The following RBMS2 variants were observed in gnomAD, a reference collection of about 807,000 sequenced individuals.
RBMS2 encodes RNA binding motif single stranded interacting protein 2.
RBMS2 carries 38 observed loss-of-function variants against 58.4 expected under a neutral mutation model. That is an observed-to-expected ratio of 0.65 (90% CI 0.50 to 0.85). The LOEUF is 0.85. RBMS2 is among the 40% of genes least tolerant of loss of function. The pLI is 0.00. For synonymous variants in RBMS2, 151 were observed against 180.7 expected (o/e 0.84, Z 1.32); for missense variants, 367 against 503.7 (o/e 0.73, Z 2.60).
intron 5 of RBMS2, chr12:56,572,836 T>C (rs940053814): frequency 2.6e-5 from 26 of 984,570 alleles, no homozygotes; most frequent in African/African-American, 5.2e-5. Context: ...ACCTGTGATA[T>C]CAGAGCTTGT....
At chr12:56,546,414 A>AAAATATAATGTATAATATATTGTACATT (rs1877246515) in intron 1 of RBMS2, among the ~76,000 whole-genome samples, 4 of 144,462 alleles carry the variant, frequency 2.8e-5, no homozygotes, top group Non-Finnish European at 6.2e-5. Flanking sequence ...TGTACATTAT[A>AAAATATAATGTATAATATATTGTACATT]ATGTAAAATA....
intron 1 of RBMS2, among the ~76,000 whole-genome samples, chr12:56,542,851 C>T (rs1876394519): frequency 6.6e-6 from 1 of 151,174 alleles, no homozygotes; most frequent in African/African-American, 2.4e-5. Context: ...TACCTGGCCT[C>T]TTTATTTATT....
At chr12:56,562,036 C>T (rs1429503871) in intron 1 of RBMS2, among the ~76,000 whole-genome samples, 1 of 151,986 alleles carries the variant, frequency 6.6e-6, no homozygotes, top group East Asian at 1.9e-4. Flanking sequence ...TCTCGATCTC[C>T]TGACCTCATG....
At position 56,595,327 on chromosome 12, in the gene RBMS2, T is replaced by C. The variant is rs778823933; in HGVS notation, c.*6194T>C. ...TAATACATATCCAGCGCGAGTGAAG[T>C]CCCCACTCCAACATATACCCTTTTT... On this transcript the variant is annotated 3_prime_UTR_variant, in exon 14 of 14. Transcript: ENST00000262031. 6.6e-6 allele frequency: 1 copy of C among 152,066 alleles called. No homozygotes were observed. The highest frequency in any genetic ancestry group is 1.5e-5 in the Non-Finnish European group (1 of 68,012). 9.4% of individuals were successfully genotyped at this position (152,066 alleles called of 1,614,324 possible). A position where few individuals can be genotyped will look rare whatever the true frequency, so the allele number is the denominator to read the frequency against.
At chr12:56,527,775 T>C (rs1422517037) in intron 1 of RBMS2, 1 of 113,900 alleles carries the variant, frequency 8.8e-6, no homozygotes, top group Admixed American at 1.2e-4. Context: ...GCCCCCTTGA[T>C]ACTGTTACAT....
Position 56,589,196 on chromosome 12 carries a change from C to G in RBMS2, c.*63C>G. Reference sequence around the variant, plus strand: ...TGAATTCTTGGAGATACTCATGCTCCCAGATTCCAGAGGGTTAACCAGGAA... The same window carrying G: ...TGAATTCTTGGAGATACTCATGCTCGCAGATTCCAGAGGGTTAACCAGGAA... On this transcript the variant is annotated 3_prime_UTR_variant, in exon 14 of 14. Coordinates refer to ENST00000262031, the MANE Select transcript of RBMS2 (RefSeq NM_002898.4). The G allele has an allele frequency of 2.0e-6, 3 of 1,521,118 alleles. No individual in the cohort carries two copies. Among genetic ancestry groups the G allele is most frequent in the Non-Finnish European group, 2.7e-6 (3 of 1,131,448 alleles). 94.2% of individuals were successfully genotyped at this position (1,521,118 alleles called of 1,614,324 possible).
chr12:56,589,171 T>C lies in RBMS2; in HGVS notation c.*38T>C. On this transcript the variant is annotated 3_prime_UTR_variant, in exon 14 of 14. Coordinates refer to ENST00000262031, the MANE Select transcript of RBMS2 (RefSeq NM_002898.4). ...CCTCCCCATCTTTACTGAATAGAAA[T>C]GAATTCTTGGAGATACTCATGCTCC... 6.5e-7 allele frequency: 1 copy of C among 1,539,990 alleles called. No homozygotes were observed. The highest frequency in any genetic ancestry group is 1.4e-5 in the African/African-American group (1 of 72,922).
At chr12:56,586,184 T>A (rs1272323854) in intron 9 of RBMS2, among the ~76,000 whole-genome samples, 8 of 151,926 alleles carry the variant, frequency 5.3e-5, no homozygotes, top group Admixed American at 2.0e-4. Context: ...AAAGCAAAAT[T>A]AGCCGGGCAT....
At chr12:56,564,779 G>C (rs1434371095) in intron 2 of RBMS2, among the ~76,000 whole-genome samples, 25 of 152,158 alleles carry the variant, frequency 1.6e-4, no homozygotes, top group Admixed American at 1.5e-3. Flanking sequence ...TTGGAGACCA[G>C]CCTGGCCAAC....
chr12:56,573,219 G>A (rs1882587378), intron 5 of RBMS2: 1 of 958,134 alleles, frequency 1.0e-6, no homozygotes, highest in African/African-American at 1.8e-5. Flanking sequence ...GCTCACGCCT[G>A]TAATCCCAGC....
upstream of RBMS2, among the ~76,000 whole-genome samples, chr12:56,521,591 C>G (rs1441540484): frequency 7.3e-6 from 1 of 137,252 alleles, no homozygotes; most frequent in Non-Finnish European, 1.5e-5. Flanking sequence ...TAGCTGAGAT[C>G]TAAGGGTGGA....
rs1885208357 is a variant in RBMS2, at chr12:56,590,256, G to C, written c.*1123G>C. The C allele has an allele frequency of 6.6e-6, 1 of 152,228 alleles. No homozygotes were observed. The highest frequency in any genetic ancestry group is 1.5e-5 in the Non-Finnish European group (1 of 68,070). The allele number at this position is 152,228 out of a possible 1,614,324, so 9.4% of individuals were successfully genotyped here. ...CATTGCTGTGCTCAGAGCCTTTGCAGCTGCGACCTAGTTGAATCCACATAG... is the reference window on the plus strand; with the variant it reads ...CATTGCTGTGCTCAGAGCCTTTGCACCTGCGACCTAGTTGAATCCACATAG... On this transcript the variant is annotated 3_prime_UTR_variant, in exon 14 of 14. Transcript: ENST00000262031.
intron 5 of RBMS2, among the ~76,000 whole-genome samples, chr12:56,574,832 T>C (rs957449486): frequency 6.6e-6 from 1 of 152,158 alleles, no homozygotes; most frequent in African/African-American, 2.4e-5. Flanking sequence ...AGCAATCTGA[T>C]ACACAAATCA....
chr12:56,535,082 C>T (rs1322172486), intron 1 of RBMS2, among the ~76,000 whole-genome samples: 1 of 152,088 alleles, frequency 6.6e-6, no homozygotes, highest in African/African-American at 2.4e-5. Context: ...TTTCTATGGC[C>T]TCTCTTTTTC....
chr12:56,562,982 G>C (rs1055623411), intron 2 of RBMS2, among the ~76,000 whole-genome samples: 1 of 152,126 alleles, frequency 6.6e-6, no homozygotes, highest in African/African-American at 2.4e-5. Context: ...AATTAGCCGG[G>C]CATGGTGGCG....
At chr12:56,536,996 C>T (rs1192830699) in intron 1 of RBMS2, among the ~76,000 whole-genome samples, 1 of 151,276 alleles carries the variant, frequency 6.6e-6, no homozygotes, top group African/African-American at 2.4e-5. Context: ...TCTTGGCTCA[C>T]TGCAACCTCC....
intron 8 of RBMS2, 54 bp from the exon 9 acceptor site, chr12:56,582,005 C>A: frequency 6.4e-7 from 1 of 1,565,812 alleles, no homozygotes; most frequent in Non-Finnish European, 8.8e-7. Flanking sequence ...TCAGTTGGGA[C>A]CCTTCCCTTG....
At chr12:56,525,103 T>C (rs531183420) in intron 1 of RBMS2, among the ~76,000 whole-genome samples, 2 of 152,310 alleles carry the variant, frequency 1.3e-5, no homozygotes, top group South Asian at 4.1e-4. Context: ...TATAGCATTA[T>C]TACGTTGCTC....
chr12:56,543,376 C>T (rs1026760104), intron 1 of RBMS2, among the ~76,000 whole-genome samples: 1 of 150,552 alleles, frequency 6.6e-6, no homozygotes. Context: ...TCCCAGCTAC[C>T]TGGGAGGCTG....
Sources: allele counts gnomAD v4.1 joint callset (sites outside exome capture counted in the v4.1 genomes callset), GRCh38; gene constraint gnomAD v4.1.1; transcripts MANE v1.5; gene names NCBI Gene and HGNC (gene_info 2026-07-23, HGNC 2026-07-21).